Variants in SLIT2 observed in about 807,000 individuals in gnomAD.
SLIT2 encodes the protein slit homolog 2 protein.
Under a neutral mutation model 185.7 loss-of-function variants are expected in SLIT2, and 41 were observed. The ratio of observed to expected loss-of-function variants is 0.22; its 90% CI spans 0.17 to 0.29. The LOEUF (loss-of-function observed/expected upper bound fraction) is 0.29. Among genes scored for constraint, SLIT2 ranks in the 10% least tolerant of loss-of-function variants. SLIT2 has a pLI of 1.00. For missense variants in SLIT2, 1,571 were observed against 1,909.0 expected (o/e 0.82, Z 3.30); for synonymous variants, 693 against 680.2 (o/e 1.02, Z -0.29).
At chr4:20,598,228 T>C (rs531572803) in intron 32 of SLIT2, 37 bp from the exon 33 acceptor site, 9 of 1,609,776 alleles carry the variant, frequency 5.6e-6, no homozygotes, top group Non-Finnish European at 7.6e-6. Context: ...TTTGGTTGCG[T>C]ACACATCCTA....
intron 4 of SLIT2, among the ~76,000 whole-genome samples, chr4:20,360,184 C>T (rs572369911): frequency 1.2e-3 from 187 of 152,236 alleles, no homozygotes; most frequent in African/African-American, 4.4e-3. Flanking sequence ...TAAGTCATTC[C>T]ATTAACCAAA....
intron 4 of SLIT2, among the ~76,000 whole-genome samples, chr4:20,330,058 C>T (rs891512499): frequency 1.5e-4 from 23 of 151,844 alleles, no homozygotes; most frequent in African/African-American, 4.8e-4. Flanking sequence ...TATTGTTTTC[C>T]CATGTAAACC....
intron 9 of SLIT2, among the ~76,000 whole-genome samples, chr4:20,510,044 T>C (rs926022815): frequency 8.5e-5 from 13 of 152,298 alleles, no homozygotes; most frequent in African/African-American, 3.1e-4. Flanking sequence ...TCATATGCTT[T>C]CCATAGAGGA....
chr4:20,509,369 A>C (rs1009097649), intron 9 of SLIT2, among the ~76,000 whole-genome samples: 2 of 152,058 alleles, frequency 1.3e-5, no homozygotes, highest in African/African-American at 2.4e-5. Context: ...AGGACAGAAG[A>C]AGCTGGTATT....
At chr4:20,614,778 CAA>C (rs60330029) in intron 34 of SLIT2, 20 of 82,912 alleles carry the variant, frequency 2.4e-4, no homozygotes, top group South Asian at 2.2e-3. Context: ...AACTCCGTCT[CAA>C]AAAAAAAAAA....
rs1728006674 is a variant in SLIT2, at chr4:20,596,671, C to T, written c.3561+16C>T. 1 of 1,603,788 alleles carries T rather than the reference C, an allele frequency of 6.2e-7. No individual in the cohort carries two copies. Among genetic ancestry groups the T allele is most frequent in the Admixed American group, 1.7e-5 (1 of 59,634 alleles). The stretch of plus-strand genomic sequence containing the variant: ...AACACTTCAGGTAAGAGATCTCTCT[C>T]TATGGAGAGATGATCGGATCTTAAA... On this transcript the variant is annotated intron_variant, in intron 32 of 36. Coordinates refer to ENST00000504154, the MANE Select transcript of SLIT2 (RefSeq NM_004787.4).
At chr4:20,300,485 G>C (rs1472548949) in intron 4 of SLIT2, among the ~76,000 whole-genome samples, 1 of 152,024 alleles carries the variant, frequency 6.6e-6, no homozygotes, top group African/African-American at 2.4e-5. Flanking sequence ...TATAATTTCT[G>C]TGCATTTATC....
In SLIT2 at chr4:20,284,257, A is replaced by G. The variant is rs114238856; in HGVS notation, c.395+15376A>G. The stretch of plus-strand genomic sequence containing the variant: ...TTTCACTTACTTTTTAACATAATGA[A>G]TCCACAAACCTCTAGCCTGGGGACT... On this transcript the variant is annotated intron_variant, in intron 4 of 36. Coordinates refer to ENST00000504154, the MANE Select transcript of SLIT2 (RefSeq NM_004787.4). 3.2e-3 allele frequency among the ~76,000 whole-genome samples: 491 copies of G among 152,352 alleles called. 3 individuals carry two copies. The highest frequency in any genetic ancestry group is 0.027 in the Middle Eastern group (8 of 294).
At chr4:20,481,719 GT>G (rs1716720340) in intron 6 of SLIT2, among the ~76,000 whole-genome samples, 1 of 151,980 alleles carries the variant, frequency 6.6e-6, no homozygotes, top group African/African-American at 2.4e-5. Flanking sequence ...TATAAATCTA[GT>G]TTCAGGAATG....
At chr4:20,319,597 A>G (rs1427251317) in intron 4 of SLIT2, among the ~76,000 whole-genome samples, 1 of 152,176 alleles carries the variant, frequency 6.6e-6, no homozygotes, top group Non-Finnish European at 1.5e-5. Flanking sequence ...GCTTTTAAGT[A>G]ATTCCAGTAT....
intron 29 of SLIT2, among the ~76,000 whole-genome samples, chr4:20,576,982 T>A (rs184327527): frequency 5.5e-4 from 84 of 152,158 alleles, no homozygotes; most frequent in African/African-American, 1.9e-3. Context: ...AGGTAAGTTT[T>A]TTTTTTTTCA....
At chr4:20,300,478 A>C (rs138511433) in intron 4 of SLIT2, among the ~76,000 whole-genome samples, 4,298 of 152,216 alleles carry the variant, frequency 0.028, 91 homozygotes, top group Non-Finnish European at 0.038. Flanking sequence ...AAAATTTTAT[A>C]ATTTCTGTGC....
At chr4:20,467,879 C>T in intron 5 of SLIT2, 56 bp downstream of exon 5, 2 of 875,560 alleles carry the variant, frequency 2.3e-6, no homozygotes, top group Non-Finnish European at 3.5e-6. Flanking sequence ...TTTTCAAAGT[C>T]AAGTTTATAT....
intron 4 of SLIT2, among the ~76,000 whole-genome samples, chr4:20,412,644 A>T (rs951114739): frequency 6.6e-6 from 1 of 152,114 alleles, no homozygotes; most frequent in Non-Finnish European, 1.5e-5. Flanking sequence ...ATTTTTAAAT[A>T]AAATTTTTAA....
Position 20,484,126 on chromosome 4 carries a change from A to C in SLIT2, c.540-2074A>C, listed in dbSNP as rs549578493. Among the ~76,000 whole-genome samples, 9 of 152,240 alleles carry C rather than the reference A, an allele frequency of 5.9e-5. No homozygotes were observed. Among genetic ancestry groups the C allele is most frequent in the African/African-American group, 2.2e-4 (9 of 41,566 alleles). ...AAGTTTTCCTTTGCATGGAGATATA[A>C]GAAACTATAGTTCAAAATTAATGCA... On this transcript the variant is annotated intron_variant, in intron 6 of 36. Coordinates refer to ENST00000504154, the MANE Select transcript of SLIT2 (RefSeq NM_004787.4). The surrounding 1 kb of genome is among the most constrained non-coding windows in gnomAD (Gnocchi z 4.3).
intron 29 of SLIT2, among the ~76,000 whole-genome samples, chr4:20,569,494 TATAA>T (rs1725382537): frequency 6.6e-6 from 1 of 152,074 alleles, no homozygotes; most frequent in Non-Finnish European, 1.5e-5. Context: ...TGGATAGTCT[TATAA>T]GACTATCACC....
chr4:20,576,365 G>T (rs996481734), intron 29 of SLIT2, among the ~76,000 whole-genome samples: 2 of 152,116 alleles, frequency 1.3e-5, no homozygotes, highest in African/African-American at 2.4e-5. Flanking sequence ...CGTATAGAAA[G>T]ATTTTATTTA....
intron 4 of SLIT2, among the ~76,000 whole-genome samples, chr4:20,341,922 A>G (rs535072890): frequency 2.6e-5 from 4 of 152,314 alleles, no homozygotes; most frequent in East Asian, 1.9e-4. Context: ...TAATTTTCGC[A>G]TGAAATTGCA....
intron 4 of SLIT2, among the ~76,000 whole-genome samples, chr4:20,340,298 T>TTCTTCTAACC (rs1720856578): frequency 1.3e-5 from 2 of 152,298 alleles, no homozygotes; most frequent in African/African-American, 2.4e-5. Flanking sequence ...TTATTTAATA[T>TTCTTCTAACC]TCTTCTAACC....
Sources: gnomAD v4.1 joint callset for allele counts (sites outside exome capture counted in the v4.1 genomes callset) on GRCh38, gnomAD v4.1.1 for gene constraint, Gnocchi (gnomAD v3.1) non-coding constraint, MANE v1.5 for transcripts, NCBI Gene and HGNC (gene_info 2026-07-23, HGNC 2026-07-21) for gene names.